Variants in SORCS3 observed in about 807,000 individuals in gnomAD.
SORCS3 encodes sortilin related VPS10 domain containing receptor 3.
A neutral mutation model predicts 146.3 loss-of-function variants in SORCS3; 57 were observed. That is an observed-to-expected ratio of 0.39 (90% CI 0.31 to 0.49). The LOEUF is 0.49. SORCS3 is among the 20% of genes least tolerant of loss of function. The pLI is 0.92. For missense variants in SORCS3, 1,341 were observed against 1,575.5 expected, an observed-to-expected ratio of 0.85 and a Z score of 2.52; for synonymous variants, 653 against 618.5, an observed-to-expected ratio of 1.06 and a Z score of -0.83.
At chr10:105,237,335 A>G (rs539079522) in intron 20 of SORCS3, among the ~76,000 whole-genome samples, 30 of 152,306 alleles carry the variant, frequency 2.0e-4, no homozygotes, top group East Asian at 1.5e-3. Context: ...AGTAGTATCT[A>G]TGATCAAGTA....
intron 1 of SORCS3, among the ~76,000 whole-genome samples, chr10:104,818,323 G>A (rs2017828061): frequency 6.7e-6 from 1 of 150,180 alleles, no homozygotes; most frequent in Admixed American, 6.6e-5. Flanking sequence ...AGGAACAAGA[G>A]AGAGCACAAT....
chr10:104,769,120 C>A (rs2017217281), intron 1 of SORCS3, among the ~76,000 whole-genome samples: 2 of 152,226 alleles, frequency 1.3e-5, no homozygotes, highest in African/African-American at 4.8e-5. Context: ...CAAAGAACTG[C>A]CAACTTACTT....
chr10:105,142,582 A>G (rs1382060505), intron 8 of SORCS3, among the ~76,000 whole-genome samples: 1 of 152,144 alleles, frequency 6.6e-6, no homozygotes, highest in Non-Finnish European at 1.5e-5. Flanking sequence ...CAAGCATGGC[A>G]ATGAGGAACA....
At chr10:105,175,810 T>G (rs1443550065) in intron 13 of SORCS3, among the ~76,000 whole-genome samples, 2 of 152,220 alleles carry the variant, frequency 1.3e-5, no homozygotes, top group Non-Finnish European at 2.9e-5. Context: ...AAGATGTTTA[T>G]GGCAGACTGT....
At chr10:105,015,585 G>T (rs865815000) in intron 4 of SORCS3, among the ~76,000 whole-genome samples, 2 of 152,230 alleles carry the variant, frequency 1.3e-5, no homozygotes, top group South Asian at 4.1e-4. Flanking sequence ...CATGTTTCAA[G>T]ATACATACCT....
At chr10:105,175,214 ATTTTTTTTT>A (rs71482448) in intron 13 of SORCS3, among the ~76,000 whole-genome samples, 5 of 134,640 alleles carry the variant, frequency 3.7e-5, no homozygotes, top group African/African-American at 1.1e-4. Context: ...TGCTTGGCTA[ATTTTTTTTT>A]TTTTTTTTTT....
chr10:105,128,684 T>C (rs1278773829), intron 7 of SORCS3, among the ~76,000 whole-genome samples: 7 of 152,174 alleles, frequency 4.6e-5, no homozygotes, highest in Admixed American at 4.6e-4. Flanking sequence ...CTGTGCATAG[T>C]TGAAGCTACA....
At chr10:104,967,555 T>G (rs1564724294) in intron 3 of SORCS3, among the ~76,000 whole-genome samples, 1 of 152,130 alleles carries the variant, frequency 6.6e-6, no homozygotes, top group Non-Finnish European at 1.5e-5. Context: ...TGCAATTTTC[T>G]CCACAAAGTT....
At chr10:104,924,905 T>A (rs1352511191) in intron 3 of SORCS3, among the ~76,000 whole-genome samples, 2 of 152,122 alleles carry the variant, frequency 1.3e-5, no homozygotes, top group African/African-American at 4.8e-5. Context: ...CTTTAATTTT[T>A]TTAAAAAAAT....
chr10:104,766,650 G>A (rs1456877427), intron 1 of SORCS3, among the ~76,000 whole-genome samples: 2 of 152,216 alleles, frequency 1.3e-5, no homozygotes, highest in Non-Finnish European at 2.9e-5. Context: ...GGCCAGTTGA[G>A]CATTCACATT....
intron 14 of SORCS3, among the ~76,000 whole-genome samples, chr10:105,193,422 A>C (rs1036081979): frequency 6.6e-6 from 1 of 152,220 alleles, no homozygotes; most frequent in Non-Finnish European, 1.5e-5. Flanking sequence ...TTTATTAAGC[A>C]TCTGTTATAT....
In SORCS3 at chr10:104,661,047, A is replaced by G. The variant is rs552883631; in HGVS notation, c.627+19093A>G. ...ATATGACATAAAATTTGCCATTAGA[A>G]TCATTTTTACTGCTACAACTCAGTG... On this transcript the variant is annotated intron_variant, in intron 1 of 26. Coordinates refer to ENST00000369701, the MANE Select transcript of SORCS3 (RefSeq NM_014978.3). Among the ~76,000 whole-genome samples, 5 of 152,302 alleles carry G rather than the reference A, an allele frequency of 3.3e-5. No individual in the cohort carries two copies. The South Asian group carries it at 1.0e-3, about 32-fold the overall frequency.
chr10:105,067,823 T>A (rs2055531847), intron 5 of SORCS3, among the ~76,000 whole-genome samples: 1 of 152,068 alleles, frequency 6.6e-6, no homozygotes, highest in Non-Finnish European at 1.5e-5. Flanking sequence ...CCTTCCTTGA[T>A]CATGATTTTC....
intron 3 of SORCS3, among the ~76,000 whole-genome samples, chr10:104,969,779 G>A (rs2054848558): frequency 6.6e-6 from 1 of 152,164 alleles, no homozygotes. Flanking sequence ...ATATGTTAGT[G>A]TATGTGTGCT....
Position 104,868,572 on chromosome 10 carries a change from A to G in SORCS3, c.695+25713A>G, listed in dbSNP as rs546216661. ...GACTTTGTCCAACTAGTCCAGTGAT[A>G]GTTCCCCTGGCTCTGTTTTCCTGAT... On this transcript the variant is annotated intron_variant, in intron 2 of 26. Transcript: ENST00000369701. Among the ~76,000 whole-genome samples, 5 of 152,336 alleles carry G rather than the reference A, an allele frequency of 3.3e-5. No individual in the cohort carries two copies. The South Asian group carries it at 8.3e-4, about 25-fold the overall frequency.
At chr10:104,914,162 C>A (rs2018999478) in intron 2 of SORCS3, among the ~76,000 whole-genome samples, 1 of 152,136 alleles carries the variant, frequency 6.6e-6, no homozygotes, top group Non-Finnish European at 1.5e-5. Flanking sequence ...TAGAATGAAA[C>A]AGAGATTTTG....
intron 1 of SORCS3, among the ~76,000 whole-genome samples, chr10:104,751,539 T>C (rs867621604): frequency 6.6e-6 from 1 of 152,088 alleles, no homozygotes; most frequent in Non-Finnish European, 1.5e-5. Flanking sequence ...GAGTTTAGGA[T>C]AGGTCCATTG....
chr10:104,824,260 C>A (rs540307111), intron 1 of SORCS3, among the ~76,000 whole-genome samples: 1 of 152,316 alleles, frequency 6.6e-6, no homozygotes, highest in African/African-American at 2.4e-5. Flanking sequence ...CAGTAGATAT[C>A]TCCATCTTCT....
At chr10:105,205,422 C>T (rs2056596809) in intron 16 of SORCS3, among the ~76,000 whole-genome samples, 1 of 152,116 alleles carries the variant, frequency 6.6e-6, no homozygotes, top group Non-Finnish European at 1.5e-5. Context: ...GATGTTTCAG[C>T]ATAAGAGCCT....
Sources: allele counts gnomAD v4.1 joint callset (sites outside exome capture counted in the v4.1 genomes callset), GRCh38; gene constraint gnomAD v4.1.1; transcripts MANE v1.5; gene names NCBI Gene and HGNC (gene_info 2026-07-23, HGNC 2026-07-21).